NCKAP5: variants seen among roughly 807,000 people sequenced by gnomAD.
The protein encoded by NCKAP5 is nck-associated protein 5.
In NCKAP5, 92 loss-of-function variants were observed where a neutral mutation model predicts 167.0. The ratio of observed to expected loss-of-function variants is 0.55; its 90% CI spans 0.47 to 0.66. The LOEUF is 0.66. Ranked by LOEUF, NCKAP5 falls within the 30% of genes least tolerant of loss-of-function variation. NCKAP5 has a pLI of 0.00. For missense variants in NCKAP5, 2,378 were observed against 2,315.0 expected (o/e 1.03, Z -0.56); for synonymous variants, 891 against 877.4 (o/e 1.02, Z -0.27).
chr2:133,374,559 A>C (rs2150923714), intron 3 of NCKAP5, among the ~76,000 whole-genome samples: 1 of 150,666 alleles, frequency 6.6e-6, no homozygotes, highest in South Asian at 2.1e-4. Context: ...GATGGGGTGA[A>C]GTGCGTGTGT....
chr2:132,864,289 G>C (rs1210474531), intron 10 of NCKAP5, among the ~76,000 whole-genome samples: 1 of 151,842 alleles, frequency 6.6e-6, no homozygotes, highest in African/African-American at 2.4e-5. Context: ...AGAAAATGGG[G>C]ACATAACATA....
At chr2:133,026,562 T>C (rs1294861939) in intron 6 of NCKAP5, among the ~76,000 whole-genome samples, 1 of 152,158 alleles carries the variant, frequency 6.6e-6, no homozygotes, top group Admixed American at 6.5e-5. Context: ...GAACAAACCA[T>C]AAAGACTTAT....
chr2:133,119,012 T>A (rs1574084345), intron 6 of NCKAP5: 1 of 152,214 alleles, frequency 6.6e-6, no homozygotes, highest in Non-Finnish European at 1.5e-5. Flanking sequence ...GTTGTTTGTT[T>A]GTTTTTGAGA....
chr2:133,631,669 C>T, the NCKAP5 span, among the ~76,000 whole-genome samples: 7 of 152,172 alleles, frequency 4.6e-5, no homozygotes, highest in African/African-American at 1.7e-4. Context: ...ATAACTTAGA[C>T]TTTGGAAAAT....
At chr2:133,057,190 T>C (rs1294214258) in intron 6 of NCKAP5, among the ~76,000 whole-genome samples, 1 of 152,124 alleles carries the variant, frequency 6.6e-6, no homozygotes, top group Non-Finnish European at 1.5e-5. Flanking sequence ...GATTCCCCTA[T>C]CTCTCTCTCC....
At chr2:133,090,882 C>T (rs753142416) in intron 6 of NCKAP5, among the ~76,000 whole-genome samples, 8 of 152,126 alleles carry the variant, frequency 5.3e-5, no homozygotes, top group Non-Finnish European at 7.4e-5. Context: ...GGTAATACCT[C>T]GCTGATGTGG....
chr2:132,729,961 AAGG>A lies in NCKAP5; in HGVS notation c.5444-1012_5444-1010del, dbSNP rs1191834881. ...TTTGAATTGGCAGTGACTGCTCAAA[AAGG>A]AGCTATAATCTCATTTTCTTTTTGT... On this transcript the variant is annotated intron_variant, in intron 17 of 19. Transcript: ENST00000409261. Among the ~76,000 whole-genome samples, 5 of 152,312 alleles carry A rather than the reference AAGG, an allele frequency of 3.3e-5. No homozygotes were observed. In the East Asian group the frequency reaches 5.8e-4, roughly 18 times the overall value.
At chr2:133,657,808 G>T in the NCKAP5 span, among the ~76,000 whole-genome samples, 1 of 152,100 alleles carries the variant, frequency 6.6e-6, no homozygotes, top group Non-Finnish European at 1.5e-5. Flanking sequence ...TGAGGGAGAA[G>T]GTTCTCAAAA....
intron 3 of NCKAP5, among the ~76,000 whole-genome samples, chr2:133,402,423 T>C (rs190433649): frequency 1.2e-3 from 184 of 152,254 alleles, no homozygotes; most frequent in African/African-American, 4.1e-3. Flanking sequence ...AGATAAGAGA[T>C]AGAGGTCACA....
the NCKAP5 span, among the ~76,000 whole-genome samples, chr2:133,580,593 T>A: frequency 6.6e-6 from 1 of 152,186 alleles, no homozygotes; most frequent in Non-Finnish European, 1.5e-5. Flanking sequence ...TCAGGCTGCC[T>A]CTCAAGGGTT....
intron 3 of NCKAP5, among the ~76,000 whole-genome samples, chr2:133,356,227 A>G (rs1032412951): frequency 6.6e-6 from 1 of 152,164 alleles, no homozygotes; most frequent in African/African-American, 2.4e-5. Flanking sequence ...TCGCCCAACT[A>G]GAAGCAGTGT....
chr2:132,687,130 A>T lies in NCKAP5; in HGVS notation c.5714-13825T>A, dbSNP rs550556653. On this transcript the variant is annotated intron_variant, in intron 19 of 19. Transcript: ENST00000409261. ...ATGAAGGTTTAAAAATAATGGGATG[A>T]GTTTAAAGAATACTGCAGGCCCTTA... Among the ~76,000 whole-genome samples, 4 of 152,340 alleles carry T rather than the reference A, an allele frequency of 2.6e-5. No homozygotes were observed. The South Asian group carries it at 8.3e-4, about 32-fold the overall frequency.
intron 7 of NCKAP5, among the ~76,000 whole-genome samples, chr2:132,969,547 A>G (rs1170010287): frequency 2.0e-5 from 3 of 152,080 alleles, no homozygotes; most frequent in East Asian, 1.9e-4. Context: ...TGGTGTCCCA[A>G]CCCTGGAGGA....
intron 8 of NCKAP5, among the ~76,000 whole-genome samples, chr2:132,920,767 G>GTATGTATATA: frequency 3.2e-5 from 1 of 31,256 alleles, no homozygotes; most frequent in East Asian, 5.9e-4. Context: ...GTATATATAT[G>GTATGTATATA]TATGTATATA....
chr2:133,548,252 T>C (rs1318787348), intron 2 of NCKAP5, among the ~76,000 whole-genome samples: 3 of 151,982 alleles, frequency 2.0e-5, no homozygotes, highest in Non-Finnish European at 4.4e-5. Context: ...CTACATCTGA[T>C]TGGTGTACCT....
the NCKAP5 span, among the ~76,000 whole-genome samples, chr2:133,593,061 T>C: frequency 6.6e-6 from 1 of 152,176 alleles, no homozygotes; most frequent in African/African-American, 2.4e-5. Flanking sequence ...CTGAGGAAGA[T>C]CCAATAGTTC....
intron 5 of NCKAP5, among the ~76,000 whole-genome samples, chr2:133,193,748 T>C (rs1381565624): frequency 1.3e-5 from 2 of 152,126 alleles, no homozygotes; most frequent in Non-Finnish European, 2.9e-5. Flanking sequence ...TTTGCTTAAC[T>C]ACTGTTAAAC....
At chr2:132,780,385 T>C (rs1271256288) in intron 15 of NCKAP5, among the ~76,000 whole-genome samples, 4 of 152,060 alleles carry the variant, frequency 2.6e-5, no homozygotes, top group East Asian at 1.9e-4. Context: ...CTCCTGACCT[T>C]GTGATCCGCC....
chr2:133,344,305 G>C (rs1037663588), intron 3 of NCKAP5, among the ~76,000 whole-genome samples: 43 of 151,990 alleles, frequency 2.8e-4, no homozygotes, highest in Middle Eastern at 3.4e-3. Flanking sequence ...CTACCCAGAA[G>C]GCTGAGGCGG....
Sources: allele counts gnomAD v4.1 joint callset (sites outside exome capture counted in the v4.1 genomes callset), GRCh38; gene constraint gnomAD v4.1.1; transcripts MANE v1.5; gene names NCBI Gene and HGNC (gene_info 2026-07-23, HGNC 2026-07-21).